CCDC33: variants seen among roughly 807,000 people sequenced by gnomAD.
CCDC33 encodes coiled-coil domain containing 33.
CCDC33 carries 94 observed loss-of-function variants against 91.9 expected under a neutral mutation model. The ratio of observed to expected loss-of-function variants is 1.02; its 90% confidence interval spans 0.87 to 1.21. The LOEUF is 1.21. Among genes scored for constraint, CCDC33 ranks in the 50% most tolerant of loss-of-function variants. The pLI is 0.00. For synonymous variants in CCDC33, 396 were observed against 374.5 expected, an observed-to-expected ratio of 1.06 and a Z score of -0.66; for missense variants, 940 against 935.5, an observed-to-expected ratio of 1.00 and a Z score of -0.06.
At chr15:74,312,952 C>T (rs1012129344) in intron 11 of CCDC33, among the ~76,000 whole-genome samples, 1 of 152,224 alleles carries the variant, frequency 6.6e-6, no homozygotes, top group Non-Finnish European at 1.5e-5. Flanking sequence ...CCCCAGACCC[C>T]AAACCAAACA....
rs1433645606 is a variant in CCDC33 at position 74,268,423 on chromosome 15, C to G, written c.511C>G (p.Pro171Ala). Residue 171 changes from proline to alanine, a missense_variant, in exon 5 of 19, where the codon CCC becomes GCC. Coordinates refer to ENST00000398814, the MANE Select transcript of CCDC33 (RefSeq NM_025055.5). ...AGTCGTTCGGAAGAGCAGCTTCATACCCCGCTACATCGGCTGCAACCACAT... is the reference window on the plus strand; with the variant it reads ...AGTCGTTCGGAAGAGCAGCTTCATAGCCCGCTACATCGGCTGCAACCACAT... ...ATVVRKSSFIPRYIGCNHMAL... is the reference protein window; with the variant it reads ...ATVVRKSSFIARYIGCNHMAL... 6.2e-7 allele frequency: 1 copy of G among 1,613,850 alleles called. No homozygotes were observed. Among genetic ancestry groups the G allele is most frequent in the South Asian group, 1.1e-5 (1 of 91,068 alleles).
chr15:74,292,493 C>A (rs1596046709), intron 10 of CCDC33, among the ~76,000 whole-genome samples: 1 of 152,208 alleles, frequency 6.6e-6, no homozygotes, highest in Non-Finnish European at 1.5e-5. Flanking sequence ...CATGATGGAT[C>A]TCTTGGTGCC....
At chr15:74,302,625 T>C (rs1408199994) in intron 11 of CCDC33, 2 of 152,294 alleles carry the variant, frequency 1.3e-5, no homozygotes, top group Non-Finnish European at 2.9e-5. Flanking sequence ...CCCATCCCTG[T>C]CTGTCCAGGA....
At chr15:74,212,035 G>A (rs2074373265) in intron 2 of CCDC33, 1 of 152,416 alleles carries the variant, frequency 6.6e-6, no homozygotes, top group African/African-American at 2.4e-5. Flanking sequence ...TTCTAAGCTA[G>A]CCTGGGCCAT....
intron 3 of CCDC33, among the ~76,000 whole-genome samples, chr15:74,265,378 T>G (rs1012571360): frequency 6.6e-6 from 1 of 152,174 alleles, no homozygotes; most frequent in Admixed American, 6.5e-5. Flanking sequence ...TCATTCTTTC[T>G]CCATCCCTCC....
intron 11 of CCDC33, among the ~76,000 whole-genome samples, chr15:74,323,527 A>T (rs1019631263): frequency 4.5e-5 from 5 of 111,180 alleles, no homozygotes; most frequent in Admixed American, 8.4e-5. Flanking sequence ...TTTATTTTTT[A>T]ATTATTTTTT....
intron 2 of CCDC33, among the ~76,000 whole-genome samples, chr15:74,247,667 C>T (rs1180504712): frequency 6.6e-6 from 1 of 152,110 alleles, no homozygotes; most frequent in Non-Finnish European, 1.5e-5. Context: ...AGAATGGTGG[C>T]TGTCAGGGGC....
chr15:74,305,009 T>C (rs1427775078), intron 11 of CCDC33, among the ~76,000 whole-genome samples: 1 of 151,784 alleles, frequency 6.6e-6, no homozygotes, highest in Non-Finnish European at 1.5e-5. Flanking sequence ...TGCAATGGCG[T>C]GATCTCAACT....
At chr15:74,213,991 TG>T (rs2074391839), upstream of CCDC33, among the ~76,000 whole-genome samples, 1 of 152,162 alleles carries the variant, frequency 6.6e-6, no homozygotes, top group African/African-American at 2.4e-5. Context: ...CCCAGATCCT[TG>T]GCTCCAGAGA....
chr15:74,298,083 C>T (rs1285998527), intron 11 of CCDC33, among the ~76,000 whole-genome samples: 1 of 152,218 alleles, frequency 6.6e-6, no homozygotes, highest in South Asian at 2.1e-4. Context: ...GGCAGTCCTT[C>T]GTTTGGAGTC....
intron 3 of CCDC33, 149 bp from the exon 4 acceptor site, chr15:74,266,529 G>T: frequency 1.5e-6 from 1 of 655,636 alleles, no homozygotes; most frequent in Non-Finnish European, 2.8e-6. Context: ...GCACAGGGGT[G>T]ATCCACACAT....
At position 74,217,582 on chromosome 15, in the gene CCDC33, G is replaced by C. The variant is rs375607571; in HGVS notation, c.310+1G>C. ...AAGTTTATCTTTACTTTGCCCAAAG[G>C]TATGAAGTAGGGGTGGGGTTTGGGG... On this transcript the variant is annotated splice_donor_variant, in intron 1 of 2. Coordinates refer to the CCDC33 transcript ENST00000635913. LOFTEE classifies it high-confidence loss of function. 2.4e-6 allele frequency: 3 copies of C among 1,228,766 alleles called. No homozygotes were observed. The highest frequency in any genetic ancestry group is 3.1e-6 in the Non-Finnish European group (3 of 956,598). The allele number at this position is 1,228,766 out of a possible 1,614,324, so 76.1% of individuals were successfully genotyped here.
chr15:74,234,374 G>A (rs942054381), upstream of CCDC33, among the ~76,000 whole-genome samples: 2 of 152,234 alleles, frequency 1.3e-5, no homozygotes, highest in African/African-American at 4.8e-5. Flanking sequence ...CATTTGAGGA[G>A]CAAGCCCACT....
At chr15:74,253,375 AG>A (rs1305279627) in intron 2 of CCDC33, among the ~76,000 whole-genome samples, 6 of 152,118 alleles carry the variant, frequency 3.9e-5, no homozygotes, top group African/African-American at 1.4e-4. Context: ...TCTAGCTTGT[AG>A]TGGAGTGAGG....
intron 6 of CCDC33, among the ~76,000 whole-genome samples, 175 bp downstream of exon 6, chr15:74,271,969 A>C (rs114102228): frequency 5.3e-5 from 8 of 152,124 alleles, no homozygotes. Context: ...CCTGCAGCAG[A>C]CCATGCCTTT....
chr15:74,215,611 G>A (rs2074421110), upstream of CCDC33, among the ~76,000 whole-genome samples: 1 of 152,142 alleles, frequency 6.6e-6, no homozygotes, highest in Admixed American at 6.5e-5. Context: ...TAATGGGAGA[G>A]GGGAGGCAAG....
chr15:74,335,590 C>T (rs983838894), intron 18 of CCDC33: 4 of 350,370 alleles, frequency 1.1e-5, no homozygotes, highest in Non-Finnish European at 2.1e-5. Flanking sequence ...GACCGCCCAG[C>T]CCCGCAAAGC....
At chr15:74,229,171 A>C (rs1436264153) in intron 2 of CCDC33, among the ~76,000 whole-genome samples, 2 of 152,158 alleles carry the variant, frequency 1.3e-5, no homozygotes, top group African/African-American at 4.8e-5. Flanking sequence ...CTAAGTCTGA[A>C]GCTTGCCTCC....
Position 74,316,323 on chromosome 15 carries a change from C to T in CCDC33, c.1291-13866C>T, listed in dbSNP as rs563031806. ...CTCCCGCCAGAGCAGGGCTGGAAGACTGCCATGTCTGGGGCCAGGCTGAGC... is the reference window on the plus strand; with the variant it reads ...CTCCCGCCAGAGCAGGGCTGGAAGATTGCCATGTCTGGGGCCAGGCTGAGC... On this transcript the variant is annotated intron_variant, in intron 11 of 18. Transcript: ENST00000398814. This position sits in a 1 kb window ranked among gnomAD's most constrained non-coding sequence, Gnocchi z 4.7. Among the ~76,000 whole-genome samples the T allele has an allele frequency of 6.6e-6, 1 of 152,356 alleles. No individual in the cohort carries two copies. Among genetic ancestry groups the T allele is most frequent in the Admixed American group, 6.5e-5 (1 of 15,310 alleles).
Sources: allele counts gnomAD v4.1 joint callset (sites outside exome capture counted in the v4.1 genomes callset), GRCh38; gene constraint gnomAD v4.1.1; non-coding constraint Gnocchi (gnomAD v3.1); transcripts MANE v1.5; gene names NCBI Gene and HGNC (gene_info 2026-07-23, HGNC 2026-07-21).